PLA2G6: variants seen among roughly 807,000 people sequenced by gnomAD.
PLA2G6 encodes the protein 85/88 kDa calcium-independent phospholipase A2.
In PLA2G6, 62 loss-of-function variants were observed where a neutral mutation model predicts 83.8. That is an observed-to-expected ratio of 0.74 (90% confidence interval 0.60 to 0.91). PLA2G6 has a LOEUF of 0.91. Among genes scored for constraint, PLA2G6 ranks in the 40% least tolerant of loss-of-function variants. The pLI is 0.00. For missense variants in PLA2G6, 944 were observed against 1,102.0 expected (o/e 0.86, Z 2.03); for synonymous variants, 417 against 449.8 (o/e 0.93, Z 0.92).
chr22:38,153,371 C>G (rs2089651541), intron 2 of PLA2G6, among the ~76,000 whole-genome samples: 1 of 152,228 alleles, frequency 6.6e-6, no homozygotes, highest in African/African-American at 2.4e-5. Context: ...AGGAGTGCCT[C>G]TCCTGGCCGC....
At position 38,181,741 on chromosome 22, in the gene PLA2G6, G is replaced by C. The variant is rs1206609587; in HGVS notation, c.-123C>G. On this transcript the variant is annotated 5_prime_UTR_variant, in exon 1 of 17. Transcript: ENST00000332509. ...GGAGTCCGGAGCGCCGAGGAAGTTGGGGAACGGACCCCCAGGCCCCGCCCA... is the reference window on the plus strand; with the variant it reads ...GGAGTCCGGAGCGCCGAGGAAGTTGCGGAACGGACCCCCAGGCCCCGCCCA... 6.6e-6 allele frequency: 1 copy of C among 152,228 alleles called. No homozygotes were observed. The highest frequency in any genetic ancestry group is 1.5e-5 in the Non-Finnish European group (1 of 68,060). The allele number at this position is 152,228 out of a possible 1,614,324, so 9.4% of individuals were successfully genotyped here.
chr22:38,180,993 G>A (rs996299183), intron 1 of PLA2G6, among the ~76,000 whole-genome samples: 2 of 152,164 alleles, frequency 1.3e-5, no homozygotes, highest in Non-Finnish European at 2.9e-5. Context: ...AAGCTAGGGG[G>A]AGGTATTCGT....
chr22:38,154,405 A>C (rs145057897), intron 2 of PLA2G6, among the ~76,000 whole-genome samples: 3 of 152,194 alleles, frequency 2.0e-5, no homozygotes, highest in Admixed American at 1.3e-4. Flanking sequence ...CAGCACAGAG[A>C]GAGAGACTCC....
chr22:38,127,447 T>C (rs1447957065), intron 9 of PLA2G6: 1 of 1,331,754 alleles, frequency 7.5e-7, no homozygotes. Flanking sequence ...CCGGCCTGGC[T>C]TGGGTGACTG....
Position 38,132,340 on chromosome 22 carries a change from T to C in PLA2G6, c.1077+491A>G, listed in dbSNP as rs2088269242. On this transcript the variant is annotated intron_variant, in intron 7 of 16. Coordinates refer to ENST00000332509, the MANE Select transcript of PLA2G6 (RefSeq NM_003560.4). The surrounding 1 kb of genome is among the most constrained non-coding windows in gnomAD (Gnocchi z 5.0). ...GGATCTTACAGCCTCCCAGGGAAGA[T>C]GAGAGCAACACGCGGACCAGTGAAG... is the stretch of plus-strand genomic sequence containing the variant. 3 of 328,452 alleles carry C rather than the reference T, an allele frequency of 9.1e-6. No homozygotes were observed. Among genetic ancestry groups the C allele is most frequent in the South Asian group, 7.0e-5 (3 of 42,786 alleles). The allele number at this position is 328,452 out of a possible 1,614,324, so 20.3% of individuals were successfully genotyped here.
intron 1 of PLA2G6, among the ~76,000 whole-genome samples, chr22:38,175,071 C>T (rs1277447897): frequency 6.6e-6 from 1 of 152,188 alleles, no homozygotes; most frequent in Admixed American, 6.5e-5. Flanking sequence ...GCGGTCCCTG[C>T]CCTCTGATTG....
intron 2 of PLA2G6, among the ~76,000 whole-genome samples, chr22:38,161,818 G>A (rs2090023609): frequency 6.6e-6 from 1 of 152,152 alleles, no homozygotes; most frequent in Non-Finnish European, 1.5e-5. Context: ...GAGGGAAGGA[G>A]GCATGCCTTC....
chr22:38,165,573 G>A (rs1208611538), intron 2 of PLA2G6, among the ~76,000 whole-genome samples: 2 of 152,156 alleles, frequency 1.3e-5, no homozygotes, highest in Non-Finnish European at 2.9e-5. Context: ...CACCTGATGT[G>A]TTAAGAAAAC....
chr22:38,153,993 G>A (rs1433162479), intron 2 of PLA2G6, among the ~76,000 whole-genome samples: 1 of 152,250 alleles, frequency 6.6e-6, no homozygotes, highest in African/African-American at 2.4e-5. Flanking sequence ...GGTGGCCATG[G>A]AGAGAGACTT....
rs1382486060 is a variant in PLA2G6, at chr22:38,132,099, T to C, written c.1077+732A>G. ...CACTGCACTCCAGCCTGGGCGACAGTGCGAGACTCCATCTCGAAAAAAAAG... is the reference window on the plus strand; with the variant it reads ...CACTGCACTCCAGCCTGGGCGACAGCGCGAGACTCCATCTCGAAAAAAAAG... On this transcript the variant is annotated intron_variant, in intron 7 of 16. Coordinates refer to ENST00000332509, the MANE Select transcript of PLA2G6 (RefSeq NM_003560.4). This position sits in a 1 kb window ranked among gnomAD's most constrained non-coding sequence, Gnocchi z 5.0. 4.4e-6 allele frequency: 2 copies of C among 455,316 alleles called. No homozygotes were observed. The highest frequency in any genetic ancestry group is 3.1e-5 in the South Asian group (2 of 64,400). 28.2% of individuals were successfully genotyped at this position (455,316 alleles called of 1,614,324 possible). A position where few individuals can be genotyped will look rare whatever the true frequency, so the allele number is the denominator to read the frequency against.
chr22:38,128,392 C>T lies in PLA2G6; in HGVS notation c.1225G>A (p.Val409Met), dbSNP rs375131619. ...GGTGGGAAGCAGTATTCGGCCCCCA[C>T]GGTTCTCAGCAGAGTCAAGATCGCC... ...RKAILTLLRTVGAEYCFPPIH... is the reference protein window; with the variant it reads ...RKAILTLLRTMGAEYCFPPIH... The change falls in exon 9 of 17, where the codon GTG becomes ATG. Residue 409 changes from valine to methionine, a missense_variant. Physicochemically the swap from Val to Met is conservative, Grantham distance 21 (BLOSUM62 1). Transcript: ENST00000332509. This position sits in a 1 kb window ranked among gnomAD's most constrained non-coding sequence, Gnocchi z 4.4. The T allele has an allele frequency of 1.1e-5, 18 of 1,613,984 alleles. No individual in the cohort carries two copies. The highest frequency in any genetic ancestry group is 2.2e-5 in the South Asian group (2 of 91,084).
At position 38,132,161 on chromosome 22, in the gene PLA2G6, G is replaced by A. The variant is rs141545798; in HGVS notation, c.1077+670C>T. 1.3e-4 allele frequency: 59 copies of A among 454,198 alleles called. No individual in the cohort carries two copies. The highest frequency in any genetic ancestry group is 5.7e-4 in the Admixed American group (24 of 42,212). The allele number at this position is 454,198 out of a possible 1,614,324, so 28.1% of individuals were successfully genotyped here. On this transcript the variant is annotated intron_variant, in intron 7 of 16. Transcript: ENST00000332509. This position sits in a 1 kb window ranked among gnomAD's most constrained non-coding sequence, Gnocchi z 5.0. ...ACACATATGTCTGTAACACAGTAAC[G>A]TCCTCCTCTGCTAGGTTTAATATGT...
chr22:38,168,816 C>T (rs1212738470), intron 2 of PLA2G6, among the ~76,000 whole-genome samples: 5 of 152,186 alleles, frequency 3.3e-5, no homozygotes, highest in Non-Finnish European at 5.9e-5. Flanking sequence ...CGCCACTGCA[C>T]TCCAGCCTGG....
chr22:38,116,053 A>T, intron 13 of PLA2G6, 22 bp downstream of exon 13: 1 of 1,612,430 alleles, frequency 6.2e-7, no homozygotes, highest in South Asian at 1.1e-5. Flanking sequence ...CTTCCCATGG[A>T]TGCATCAAAC....
At chr22:38,138,214 G>C (rs1569269368) in intron 5 of PLA2G6, 1 of 152,586 alleles carries the variant, frequency 6.6e-6, no homozygotes, top group Non-Finnish European at 1.5e-5. Flanking sequence ...GGGTAGAGAA[G>C]AGCATCACCT....
chr22:38,126,310 T>A (rs960102817), intron 10 of PLA2G6, 61 bp downstream of exon 10: 31 of 1,272,968 alleles, frequency 2.4e-5, no homozygotes, highest in Admixed American at 1.5e-4. Context: ...CAACAGGGGG[T>A]GGGTGAGGGG....
intron 5 of PLA2G6, chr22:38,138,163 G>A (rs975582900): frequency 5.2e-5 from 8 of 152,486 alleles, no homozygotes; most frequent in African/African-American, 1.9e-4. Context: ...AGCTCAGGGT[G>A]GCTGGAGACA....
At chr22:38,118,831 G>GTAGC (rs1036245014) in intron 12 of PLA2G6, among the ~76,000 whole-genome samples, 1 of 150,662 alleles carries the variant, frequency 6.6e-6, no homozygotes, top group African/African-American at 2.4e-5. Flanking sequence ...ACAGCCCACT[G>GTAGC]TAGCCTCAGC....
intron 15 of PLA2G6, chr22:38,112,829 G>A (rs899786385): frequency 1.7e-6 from 1 of 590,736 alleles, no homozygotes; most frequent in African/African-American, 1.9e-5. Context: ...GGGGGAAAGG[G>A]TAGCGGCTGA....
Sources: gnomAD v4.1 joint callset for allele counts (sites outside exome capture counted in the v4.1 genomes callset) on GRCh38, gnomAD v4.1.1 for gene constraint, Gnocchi (gnomAD v3.1) non-coding constraint, MANE v1.5 for transcripts, NCBI Gene and HGNC (gene_info 2026-07-23, HGNC 2026-07-21) for gene names.